The following GLG1 variants were observed in gnomAD, a reference collection of about 807,000 sequenced individuals.
The protein encoded by GLG1 is Golgi apparatus protein 1.
A neutral mutation model predicts 160.5 loss-of-function variants in GLG1; 38 were observed. The ratio of observed to expected loss-of-function variants is 0.24; its 90% CI spans 0.18 to 0.31. GLG1 has a LOEUF of 0.31. Among genes scored for constraint, GLG1 ranks in the 10% least tolerant of loss-of-function variants. The probability of loss-of-function intolerance (pLI) is 1.00; values close to 1 mark genes in which losing one functional copy is unlikely to be tolerated. For missense variants in GLG1, 1,373 were observed against 1,505.2 expected, an observed-to-expected ratio of 0.91 and a Z score of 1.45; for synonymous variants, 644 against 543.4, an observed-to-expected ratio of 1.19 and a Z score of -2.57.
intron 2 of GLG1, among the ~76,000 whole-genome samples, chr16:74,511,313 AC>A (rs1317339754): frequency 6.6e-6 from 1 of 152,120 alleles, no homozygotes; most frequent in Non-Finnish European, 1.5e-5. Flanking sequence ...CTCCTCAAAA[AC>A]AAAAATATGA....
At chr16:74,517,190 C>G (rs1001787737) in intron 2 of GLG1, among the ~76,000 whole-genome samples, 1 of 152,174 alleles carries the variant, frequency 6.6e-6, no homozygotes, top group Non-Finnish European at 1.5e-5. Flanking sequence ...AGAATCCTCC[C>G]TAACTCATTT....
intron 14 of GLG1, among the ~76,000 whole-genome samples, chr16:74,471,717 C>T (rs1326723588): frequency 1.3e-5 from 2 of 152,112 alleles, no homozygotes; most frequent in Non-Finnish European, 2.9e-5. Context: ...GCTAACAATT[C>T]CTGGGCAGAT....
intron 1 of GLG1, among the ~76,000 whole-genome samples, chr16:74,571,719 G>A (rs892558362): frequency 6.6e-6 from 1 of 152,040 alleles, no homozygotes; most frequent in South Asian, 2.1e-4. Flanking sequence ...CAGCTATTTG[G>A]GAGGCTGATG....
At chr16:74,508,745 A>C (rs561032209) in intron 3 of GLG1, 94 bp downstream of exon 3, 1 of 646,630 alleles carries the variant, frequency 1.5e-6, no homozygotes, top group African/African-American at 1.8e-5. Context: ...TTCTAAGAAA[A>C]GTAATGTAAC....
chr16:74,493,166 G>A (rs751481981), intron 6 of GLG1, 26 bp from the exon 7 acceptor site: 24 of 1,538,900 alleles, frequency 1.6e-5, no homozygotes, highest in Middle Eastern at 1.7e-4. Context: ...AGCAACAGCC[G>A]TGAGACCACT....
chr16:74,501,768 A>G (rs2016411894), intron 4 of GLG1, among the ~76,000 whole-genome samples: 1 of 152,262 alleles, frequency 6.6e-6, no homozygotes, highest in Non-Finnish European at 1.5e-5. Context: ...AACATCCTAA[A>G]TAAAGTCAGA....
intron 1 of GLG1, among the ~76,000 whole-genome samples, chr16:74,564,141 A>T (rs1466639166): frequency 6.6e-6 from 1 of 152,074 alleles, no homozygotes; most frequent in Non-Finnish European, 1.5e-5. Flanking sequence ...CGCTGTCTTG[A>T]ACTCCTGGCC....
chr16:74,474,502 C>A (rs1386081336), intron 13 of GLG1, 44 bp downstream of exon 13: 1 of 910,406 alleles, frequency 1.1e-6, no homozygotes, highest in South Asian at 1.3e-5. Flanking sequence ...GGCCAGGATG[C>A]TGGCAGCCAC....
chr16:74,561,495 A>G (rs1288561078), intron 1 of GLG1, among the ~76,000 whole-genome samples: 1 of 152,218 alleles, frequency 6.6e-6, no homozygotes, highest in Non-Finnish European at 1.5e-5. Context: ...TGGACTGGGT[A>G]AGAATTCCCA....
rs775372913 is a variant in GLG1, at chr16:74,503,597, G to A, written c.708C>T (p.Gly236=). The A allele has an allele frequency of 1.2e-6, 2 of 1,613,794 alleles. No homozygotes were observed. Among genetic ancestry groups the A allele is most frequent in the Admixed American group, 3.3e-5 (2 of 60,006 alleles). Residue 236 remains glycine (G), a synonymous_variant, in exon 4 of 26, where the codon GGC becomes GGT. Transcript: ENST00000422840. ...IIFSDYRLIC[G]FMDDCKNDIN... Reference sequence around the variant, plus strand: ...TGTCATTTTTGCAGTCATCCATGAAGCCACAGATTAAACGGTAATCACTAA... The same window carrying A: ...TGTCATTTTTGCAGTCATCCATGAAACCACAGATTAAACGGTAATCACTAA...
intron 1 of GLG1, among the ~76,000 whole-genome samples, chr16:74,535,111 G>T (rs528557811): frequency 7.2e-5 from 11 of 152,122 alleles, no homozygotes; most frequent in East Asian, 1.9e-4. Flanking sequence ...AAGCCATCTC[G>T]AATAACCCAT....
At chr16:74,500,462 C>T (rs1403051618) in intron 4 of GLG1, among the ~76,000 whole-genome samples, 1 of 150,410 alleles carries the variant, frequency 6.6e-6, no homozygotes, top group Non-Finnish European at 1.5e-5. Context: ...CAACAACGGC[C>T]CCCACAAAAA....
At chr16:74,598,004 A>G (rs1247863204) in intron 1 of GLG1, among the ~76,000 whole-genome samples, 3 of 152,102 alleles carry the variant, frequency 2.0e-5, no homozygotes, top group Non-Finnish European at 4.4e-5. Context: ...CGTCAAGAGC[A>G]AGACTCTGTC....
rs1170071230 is a variant in GLG1, at chr16:74,451,722, C to G, written c.*1445G>C. On this transcript the variant is annotated 3_prime_UTR_variant, in exon 26 of 26. Transcript: ENST00000422840. ...CTCTCTTGTGCAGCCACTGTGATCT[C>G]ATGCCCCAAACTCAACCAAAGGAGT... 3.2e-6 allele frequency: 1 copy of G among 313,064 alleles called. No individual in the cohort carries two copies. The highest frequency in any genetic ancestry group is 4.0e-5 in the South Asian group (1 of 25,056). 19.4% of individuals were successfully genotyped at this position (313,064 alleles called of 1,614,324 possible).
intron 1 of GLG1, among the ~76,000 whole-genome samples, chr16:74,605,367 C>G (rs1427936392): frequency 6.6e-6 from 1 of 152,184 alleles, no homozygotes. Flanking sequence ...CTACCACAAA[C>G]TACTACTAAT....
intron 9 of GLG1, among the ~76,000 whole-genome samples, chr16:74,484,575 A>C (rs565242460): frequency 6.6e-6 from 1 of 152,046 alleles, no homozygotes; most frequent in South Asian, 2.1e-4. Context: ...AGCCTAACCA[A>C]CATGGTAAAA....
chr16:74,458,189 G>A (rs1265779267), intron 23 of GLG1, 195 bp from the exon 24 acceptor site: 4 of 501,966 alleles, frequency 8.0e-6, no homozygotes, highest in South Asian at 3.3e-5. Context: ...CTACTTTTAG[G>A]GATACAAAAC....
chr16:74,535,722 A>G (rs554946551), intron 1 of GLG1, among the ~76,000 whole-genome samples: 1 of 152,232 alleles, frequency 6.6e-6, no homozygotes, highest in Non-Finnish European at 1.5e-5. Context: ...GGCATGAGCC[A>G]GTATGCCCAG....
At chr16:74,477,761 G>A (rs1386165190) in intron 11 of GLG1, among the ~76,000 whole-genome samples, 3 of 151,932 alleles carry the variant, frequency 2.0e-5, no homozygotes, top group Non-Finnish European at 4.4e-5. Context: ...ATCACCTGAG[G>A]TCGGGAGTTT....
Sources: allele counts gnomAD v4.1 joint callset (sites outside exome capture counted in the v4.1 genomes callset), GRCh38; gene constraint gnomAD v4.1.1; transcripts MANE v1.5; gene names NCBI Gene and HGNC (gene_info 2026-07-23, HGNC 2026-07-21).